Variants in NUTM2A observed in about 807,000 individuals in gnomAD.
NUTM2A encodes NUT family member 2A, also known as family with sequence similarity 22, member A.
A neutral mutation model predicts 24.4 loss-of-function variants in NUTM2A; 3 were observed. That is an observed-to-expected ratio of 0.12 (90% CI 0.06 to 0.32). NUTM2A has a LOEUF of 0.32. Ranked by LOEUF, NUTM2A falls within the 10% of genes least tolerant of loss-of-function variation. NUTM2A has a pLI of 1.00. For synonymous variants in NUTM2A, 11 were observed against 278.4 expected, an observed-to-expected ratio of 0.04 and a Z score of 9.56; for missense variants, 39 against 631.1, an observed-to-expected ratio of 0.06 and a Z score of 10.05.
intron 1 of NUTM2A, 70 bp from the exon 2 acceptor site, chr10:87,228,191 CCT>C (rs1258694957): frequency 4.4e-4 from 470 of 1,061,468 alleles, no homozygotes; most frequent in Middle Eastern, 2.1e-3. Flanking sequence ...TTGGGACTCC[CCT>C]CTGATTCCCC....
chr10:87,234,938 C>T lies in NUTM2A; in HGVS notation c.*230C>T, dbSNP rs1419866813. 1.5e-5 allele frequency: 22 copies of T among 1,443,390 alleles called. 2 individuals are homozygous for T. The highest frequency in any genetic ancestry group is 2.5e-4 in the Middle Eastern group (1 of 3,962). The allele number at this position is 1,443,390 out of a possible 1,614,324, so 89.4% of individuals were successfully genotyped here. A position where few individuals can be genotyped will look rare whatever the true frequency, so the allele number is the denominator to read the frequency against. On this transcript the variant is annotated 3_prime_UTR_variant, in exon 7 of 7. Transcript: ENST00000381707. ...GGGGTGGGAAGCAGTGCGTTGGGGG[C>T]CTCGTGTGTAAGTGTGAATAAATGT... is the stretch of plus-strand genomic sequence containing the variant.
chr10:87,229,345 C>A (rs1176827951), intron 2 of NUTM2A, among the ~76,000 whole-genome samples: 3 of 152,226 alleles, frequency 2.0e-5, no homozygotes, highest in Non-Finnish European at 4.4e-5. Context: ...GAGCACCTCA[C>A]ATGGGGCCGG....
At position 87,233,590 on chromosome 10, in the gene NUTM2A, G is replaced by T; in HGVS notation, c.1851+1G>T. The stretch of plus-strand genomic sequence containing the variant: ...GGAGGAAGGACTCACCCTTGCCCAG[G>T]TACCCCAGGGGCAGGAGGGACCTGG... On this transcript the variant is annotated splice_donor_variant, in intron 6 of 6. Coordinates refer to ENST00000381707, the MANE Select transcript of NUTM2A (RefSeq NM_001099338.2). LOFTEE classifies it high-confidence loss of function. 1.3e-5 allele frequency: 4 copies of T among 315,098 alleles called. 1 individual carries two copies. Among genetic ancestry groups the T allele is most frequent in the Non-Finnish European group, 2.3e-5 (4 of 176,390 alleles). 19.5% of individuals were successfully genotyped at this position (315,098 alleles called of 1,614,324 possible). A position where few individuals can be genotyped will look rare whatever the true frequency, so the allele number is the denominator to read the frequency against.
At position 87,232,819 on chromosome 10, in the gene NUTM2A, T is replaced by C. The variant is rs2134873164; in HGVS notation, c.1568T>C (p.Ile523Thr). The C allele has an allele frequency of 6.6e-7, 1 of 1,519,636 alleles. No individual in the cohort carries two copies. The highest frequency in any genetic ancestry group is 1.1e-5 in the South Asian group (1 of 88,720). 94.1% of individuals were successfully genotyped at this position (1,519,636 alleles called of 1,614,324 possible). The change falls in exon 5 of 7, where the codon ATC becomes ACC. Residue 523 changes from isoleucine (I) to threonine (T), a missense_variant. Transcript: ENST00000381707. ...PPEVVQEYVD[I>T]MEELLGPSLG... ...GAAGTGGTGCAGGAGTATGTGGACA[T>C]CATGGAGGAGCTGCTGGGGCCTTCC...
chr10:87,232,099 TC>T lies in NUTM2A; in HGVS notation c.1292del (p.Pro431GlnfsTer45). The T allele has an allele frequency of 3.5e-6, 1 of 282,584 alleles. No homozygotes were observed. The highest frequency in any genetic ancestry group is 8.5e-5 in the African/African-American group (1 of 11,748). 17.5% of individuals were successfully genotyped at this position (282,584 alleles called of 1,614,324 possible). On this transcript the variant is annotated frameshift_variant, in exon 4 of 7. Transcript: ENST00000381707. LOFTEE classifies it high-confidence loss of function. ...TGAAGGGGCCCCAGTGCCTGCCTCC[TC>T]CAGCCACACCGAGGCTTGAACCTCG... ...WMKGPQCLPP[P>X]ATPRLEPRGP...
In NUTM2A at chr10:87,228,842, A is replaced by G; in HGVS notation, c.962A>G (p.Asp321Gly). 1 of 1,245,452 alleles carries G rather than the reference A, an allele frequency of 8.0e-7. No individual in the cohort carries two copies. Among genetic ancestry groups the G allele is most frequent in the South Asian group, 1.2e-5 (1 of 80,126 alleles). The allele number at this position is 1,245,452 out of a possible 1,614,324, so 77.2% of individuals were successfully genotyped here. A position where few individuals can be genotyped will look rare whatever the true frequency, so the allele number is the denominator to read the frequency against. The change falls in exon 2 of 7, where the codon GAT becomes GGT. Residue 321 changes from aspartate (D) to glycine (G), a missense_variant. Coordinates refer to ENST00000381707, the MANE Select transcript of NUTM2A (RefSeq NM_001099338.2). ...LASSQAKAPPDDSCNPRSVYE... is the reference protein window; with the variant it reads ...LASSQAKAPPGDSCNPRSVYE... Reference sequence around the variant, plus strand: ...TCCTCCCAGGCCAAGGCCCCGCCAGATGACTCCTGTAACCCCAGGAGTGTC... The same window carrying G: ...TCCTCCCAGGCCAAGGCCCCGCCAGGTGACTCCTGTAACCCCAGGAGTGTC...
At chr10:87,233,058 C>G in intron 5 of NUTM2A, 73 bp downstream of exon 5, 3 of 1,162,608 alleles carry the variant, frequency 2.6e-6, no homozygotes, top group Admixed American at 2.2e-5. Flanking sequence ...GAATTAAGCT[C>G]TGTTCCTTAG....
intron 2 of NUTM2A, among the ~76,000 whole-genome samples, chr10:87,229,510 A>G (rs376637939): frequency 8.5e-5 from 13 of 152,348 alleles, no homozygotes; most frequent in Non-Finnish European, 1.8e-4. Context: ...TTCACCCTCA[A>G]TCCCTCCTAG....
At chr10:87,229,441 G>GCAC (rs1250707122) in intron 2 of NUTM2A, among the ~76,000 whole-genome samples, 2 of 152,234 alleles carry the variant, frequency 1.3e-5, no homozygotes, top group Non-Finnish European at 2.9e-5. Flanking sequence ...GGTGGAGCCT[G>GCAC]CACAGGGGGA....
chr10:87,233,630 C>G lies in NUTM2A; in HGVS notation c.1851+41C>G. 4.1e-6 allele frequency: 2 copies of G among 493,368 alleles called. 1 individual carries two copies. The highest frequency in any genetic ancestry group is 6.3e-6 in the Non-Finnish European group (2 of 318,438). 30.6% of individuals were successfully genotyped at this position (493,368 alleles called of 1,614,324 possible). A position where few individuals can be genotyped will look rare whatever the true frequency, so the allele number is the denominator to read the frequency against. On this transcript the variant is annotated intron_variant, in intron 6 of 6. Coordinates refer to ENST00000381707, the MANE Select transcript of NUTM2A (RefSeq NM_001099338.2). ...GAGGGACCTGGCACACAAGGCCCAC[C>G]TGATTGTCTAATCCCCCCTGCTGGG...
intron 2 of NUTM2A, among the ~76,000 whole-genome samples, chr10:87,229,612 A>T (rs1185333192): frequency 6.6e-6 from 1 of 152,226 alleles, no homozygotes; most frequent in Non-Finnish European, 1.5e-5. Context: ...GGCACATGCT[A>T]TGACACATTA....
chr10:87,233,267 C>G (rs1216115220), intron 5 of NUTM2A, among the ~76,000 whole-genome samples: 1 of 32,352 alleles, frequency 3.1e-5, no homozygotes, highest in Non-Finnish European at 6.3e-5. Context: ...GTTTGTGTGT[C>G]TGTGTGTGGT....
intron 5 of NUTM2A, 38 bp downstream of exon 5, chr10:87,233,023 A>AG (rs1849387785): frequency 7.3e-7 from 1 of 1,367,354 alleles, no homozygotes; most frequent in Non-Finnish European, 1.0e-6. Flanking sequence ...GCTGGATTCC[A>AG]GGGGGTGGCA....
rs1564627361 is a variant in NUTM2A at position 87,232,919 on chromosome 10, G to GCACCCAGACC, written c.1669_1670insACCCAGACCC (p.Pro557HisfsTer14). 2 of 1,408,494 alleles carry GCACCCAGACC rather than the reference G, an allele frequency of 1.4e-6. No individual in the cohort carries two copies. The highest frequency in any genetic ancestry group is 2.7e-5 in the African/African-American group (2 of 73,538). 87.2% of individuals were successfully genotyped at this position (1,408,494 alleles called of 1,614,324 possible). A position where few individuals can be genotyped will look rare whatever the true frequency, so the allele number is the denominator to read the frequency against. On this transcript the variant is annotated frameshift_variant, in exon 5 of 7. Transcript: ENST00000381707. LOFTEE classifies it high-confidence loss of function. The stretch of plus-strand genomic sequence containing the variant: ...AGCAGCCACAGGAAGAGGACTGGAC[G>GCACCCAGACC]CCCCCAGACCCGGGCCTCCTGAGCT...
chr10:87,228,775 G>A lies in NUTM2A; in HGVS notation c.895G>A (p.Gly299Arg). ...CCCCATTGTGTCCCAAGGGAATGCT[G>A]GGCCATGGCCACAAGGGGCTCACGG... ...LPPIVSQGNAGPWPQGAHGEG... is the reference protein window; with the variant it reads ...LPPIVSQGNARPWPQGAHGEG... Residue 299 changes from glycine (G) to arginine (R), a missense_variant, in exon 2 of 7, where the codon GGG becomes AGG. By Grantham distance (125) the Gly-to-Arg change is moderately radical (BLOSUM62 -2). Coordinates refer to ENST00000381707, the MANE Select transcript of NUTM2A (RefSeq NM_001099338.2). The A allele has an allele frequency of 8.0e-7, 1 of 1,255,760 alleles. No individual in the cohort carries two copies. Among genetic ancestry groups the A allele is most frequent in the African/African-American group, 1.6e-5 (1 of 63,154 alleles). 77.8% of individuals were successfully genotyped at this position (1,255,760 alleles called of 1,614,324 possible).
At position 87,228,493 on chromosome 10, in the gene NUTM2A, G is replaced by T. The variant is rs751835179; in HGVS notation, c.613G>T (p.Val205Phe). 2.5e-6 allele frequency: 4 copies of T among 1,609,918 alleles called. No homozygotes were observed. The South Asian group carries it at 4.4e-5, about 18-fold the overall frequency. Reference sequence around the variant, plus strand: ...TGGGGCCGGGGCTTCCAACGTCTTTGTCCAGATGAGGACAGAGGTGGGGCC... The same window carrying T: ...TGGGGCCGGGGCTTCCAACGTCTTTTTCCAGATGAGGACAGAGGTGGGGCC... ...PSGAGASNVF[V>F]QMRTEVGPVK... The change falls in exon 2 of 7, where the codon GTC becomes TTC. Residue 205 changes from valine to phenylalanine, a missense_variant. By Grantham distance (50) the Val-to-Phe change is conservative. Coordinates refer to ENST00000381707, the MANE Select transcript of NUTM2A (RefSeq NM_001099338.2).
Position 87,234,785 on chromosome 10 carries a change from GCTT to G in NUTM2A, c.*83_*85del, listed in dbSNP as rs1402808805. 5 of 1,298,392 alleles carry G rather than the reference GCTT, an allele frequency of 3.9e-6. No homozygotes were observed. Among genetic ancestry groups the G allele is most frequent in the Non-Finnish European group, 5.1e-6 (5 of 980,588 alleles). The allele number at this position is 1,298,392 out of a possible 1,614,324, so 80.4% of individuals were successfully genotyped here. A position where few individuals can be genotyped will look rare whatever the true frequency, so the allele number is the denominator to read the frequency against. On this transcript the variant is annotated 3_prime_UTR_variant, in exon 7 of 7. Coordinates refer to ENST00000381707, the MANE Select transcript of NUTM2A (RefSeq NM_001099338.2). ...ATCCGATGCCCCAAAGCGGTCAAAA[GCTT>G]CTTCTCCCCCAGTGCTGATCTTGCT...
rs1849389335 is a variant in NUTM2A, at chr10:87,233,131, CTG to C, written c.1734+152_1734+153del. On this transcript the variant is annotated intron_variant, in intron 5 of 6. Transcript: ENST00000381707. ...TCTGTGTATGTGATTGTGTGTGTGT[CTG>C]TGTGTTGCTGTGTGTTTGTGTCTGT... 5 of 960,454 alleles carry C rather than the reference CTG, an allele frequency of 5.2e-6. 1 individual carries two copies. The African/African-American group carries it at 6.7e-5, about 13-fold the overall frequency. The allele number at this position is 960,454 out of a possible 1,614,324, so 59.5% of individuals were successfully genotyped here. A position where few individuals can be genotyped will look rare whatever the true frequency, so the allele number is the denominator to read the frequency against.
intron 2 of NUTM2A, among the ~76,000 whole-genome samples, chr10:87,229,575 A>T (rs1849360226): frequency 6.6e-6 from 1 of 152,242 alleles, no homozygotes; most frequent in Non-Finnish European, 1.5e-5. Context: ...ACTTGAGCTC[A>T]CATATGACAT....
Sources: allele counts gnomAD v4.1 joint callset (sites outside exome capture counted in the v4.1 genomes callset), GRCh38; gene constraint gnomAD v4.1.1; transcripts MANE v1.5; gene names NCBI Gene and HGNC (gene_info 2026-07-23, HGNC 2026-07-21).